The following PARP16 variants were observed in gnomAD, a reference collection of about 807,000 sequenced individuals.
The protein encoded by PARP16 is poly(ADP-ribose) polymerase family member 16.
A neutral mutation model predicts 35.0 loss-of-function variants in PARP16; 31 were observed. The ratio of observed to expected loss-of-function variants is 0.88; its 90% CI spans 0.66 to 1.19. PARP16 has a LOEUF of 1.19. PARP16 is among the 50% of genes most tolerant of loss of function. PARP16 has a pLI of 0.00. For synonymous variants in PARP16, 162 were observed against 169.5 expected (o/e 0.96, Z 0.34); for missense variants, 424 against 411.2 (o/e 1.03, Z -0.27).
At chr15:65,240,330 G>GTGTT (rs1159202631) in intron 3 of PARP16, among the ~76,000 whole-genome samples, 1 of 142,246 alleles carries the variant, frequency 7.0e-6, no homozygotes, top group Non-Finnish European at 1.5e-5. Context: ...GCTAGTGTGT[G>GTGTT]TGTGTGTGTG....
chr15:65,279,253 G>T (rs1480075519), intron 1 of PARP16, among the ~76,000 whole-genome samples: 2 of 152,194 alleles, frequency 1.3e-5, no homozygotes, highest in South Asian at 4.1e-4. Flanking sequence ...AATGAGCTAC[G>T]TGTAGTAACA....
intron 3 of PARP16, among the ~76,000 whole-genome samples, chr15:65,264,937 C>T (rs943819492): frequency 6.6e-6 from 1 of 152,190 alleles, no homozygotes. Flanking sequence ...GTTTAGTGTA[C>T]AAGAGTATAA....
chr15:65,261,913 G>A (rs1451836023), intron 4 of PARP16, among the ~76,000 whole-genome samples: 1 of 152,196 alleles, frequency 6.6e-6, no homozygotes, highest in Non-Finnish European at 1.5e-5. Flanking sequence ...GAAGACGAAA[G>A]CTGCGTGACA....
intron 3 of PARP16, among the ~76,000 whole-genome samples, chr15:65,245,731 C>T (rs562563111): frequency 4.1e-4 from 63 of 152,332 alleles, no homozygotes; most frequent in African/African-American, 1.4e-3. Context: ...GGGAAATGAG[C>T]TCAGGACAGC....
intron 3 of PARP16, among the ~76,000 whole-genome samples, chr15:65,244,430 A>G (rs1223279813): frequency 1.3e-5 from 2 of 152,186 alleles, no homozygotes; most frequent in African/African-American, 4.8e-5. Flanking sequence ...GAGCAAAGTC[A>G]CATCTTACAT....
intron 1 of PARP16, among the ~76,000 whole-genome samples, chr15:65,283,449 G>T (rs557182208): frequency 6.6e-6 from 1 of 152,216 alleles, no homozygotes; most frequent in East Asian, 1.9e-4. Context: ...GTGTAGCCTT[G>T]CATGCTCCAT....
Position 65,286,658 on chromosome 15 carries a change from A to G in PARP16, c.-232T>C. 3.3e-6 allele frequency: 1 copy of G among 299,128 alleles called. No homozygotes were observed. The highest frequency in any genetic ancestry group is 5.8e-5 in the East Asian group (1 of 17,176). 18.5% of individuals were successfully genotyped at this position (299,128 alleles called of 1,614,324 possible). On this transcript the variant is annotated 5_prime_UTR_variant, in exon 1 of 6. Transcript: ENST00000649807. The stretch of plus-strand genomic sequence containing the variant: ...GCCGAAGAGAGAGACCGAGGCCTGG[A>G]CCGCGGGTCGGCGGGGAGGTTGGGC...
intron 3 of PARP16, among the ~76,000 whole-genome samples, chr15:65,246,942 C>T (rs1478322316): frequency 6.6e-6 from 1 of 152,154 alleles, no homozygotes; most frequent in Admixed American, 6.5e-5. Context: ...TAGATAAGAA[C>T]AGAAGCTAAT....
chr15:65,265,856 G>T (rs901418106), intron 3 of PARP16, among the ~76,000 whole-genome samples: 3 of 152,214 alleles, frequency 2.0e-5, no homozygotes, highest in Non-Finnish European at 2.9e-5. Flanking sequence ...TGATGCCTGT[G>T]CTCCACTCGG....
chr15:65,238,881 CA>C, intron 3 of PARP16, among the ~76,000 whole-genome samples: 1 of 152,016 alleles, frequency 6.6e-6, no homozygotes, highest in Non-Finnish European at 1.5e-5. Context: ...GTAATCCAAG[CA>C]ACTCAGGAGG....
intron 1 of PARP16, among the ~76,000 whole-genome samples, chr15:65,274,438 G>A (rs1170584464): frequency 1.3e-5 from 2 of 151,950 alleles, no homozygotes; most frequent in Non-Finnish European, 2.9e-5. Context: ...TTATCCAGGC[G>A]TGGTGGTGTA....
intron 1 of PARP16, among the ~76,000 whole-genome samples, chr15:65,275,252 A>G (rs1157779948): frequency 1.3e-5 from 2 of 152,208 alleles, no homozygotes; most frequent in Non-Finnish European, 2.9e-5. Context: ...GAGGTACTGT[A>G]TGATCTGGGT....
rs2090489093 is a variant in PARP16, at chr15:65,283,713, GGC to G, written c.174+2538_174+2539del. On this transcript the variant is annotated intron_variant, in intron 1 of 5. Coordinates refer to ENST00000649807, the MANE Select transcript of PARP16 (RefSeq NM_001316943.2). ...CTTGCTCTGGGCTTCCATGTTGTAC[GGC>G]GCTTACCTAGTATGAGAGGTTAACA... 3.9e-5 allele frequency among the ~76,000 whole-genome samples: 6 copies of G among 152,254 alleles called. No individual in the cohort carries two copies. The South Asian group carries it at 1.2e-3, about 32-fold the overall frequency.
rs183690163 is a variant in PARP16, at chr15:65,248,359, T to C, written c.203-131A>G. ...ATGTGCTTTCAGAGGCTCACTGACA[T>C]ATTATTTACACCAAAATAACCTCAT... On this transcript the variant is annotated intron_variant and NMD_transcript_variant, in intron 2 of 3. Transcript: ENST00000559805. The C allele has an allele frequency of 1.3e-5, 6 of 446,868 alleles. No individual in the cohort carries two copies. The Admixed American group carries it at 1.4e-4, about 11-fold the overall frequency. 27.7% of individuals were successfully genotyped at this position (446,868 alleles called of 1,614,324 possible).
chr15:65,248,096 T>G lies in PARP16; in HGVS notation c.*97+21A>C, dbSNP rs551242502. ...TGGGATTACAGGCGTGAGCCACCGC[T>G]CCCGGCCGGATTGTTCTTACCTCTC... On this transcript the variant is annotated intron_variant and NMD_transcript_variant, in intron 3 of 3. Coordinates refer to the PARP16 transcript ENST00000559805. The G allele has an allele frequency of 3.8e-5, 17 of 449,856 alleles. 1 individual carries two copies. The highest frequency in any genetic ancestry group is 2.8e-4 in the East Asian group (4 of 14,192). 27.9% of individuals were successfully genotyped at this position (449,856 alleles called of 1,614,324 possible).
At chr15:65,249,955 TAA>T (rs1567013118) in intron 2 of PARP16, among the ~76,000 whole-genome samples, 1 of 152,106 alleles carries the variant, frequency 6.6e-6, no homozygotes, top group Non-Finnish European at 1.5e-5. Context: ...CTTCTGCTCA[TAA>T]AACAGAGCAG....
At chr15:65,278,142 G>A (rs1037101493) in intron 1 of PARP16, among the ~76,000 whole-genome samples, 1 of 152,162 alleles carries the variant, frequency 6.6e-6, no homozygotes, top group African/African-American at 2.4e-5. Context: ...CCCAGGGCCC[G>A]AGAGGTAAAG....
chr15:65,265,146 A>C (rs953283898), intron 3 of PARP16, among the ~76,000 whole-genome samples: 26 of 152,250 alleles, frequency 1.7e-4, no homozygotes, highest in African/African-American at 5.5e-4. Context: ...TGCAGCAGCC[A>C]CAACTGAGCC....
chr15:65,257,913 G>T (rs977669758), downstream of PARP16, among the ~76,000 whole-genome samples: 1 of 152,102 alleles, frequency 6.6e-6, no homozygotes, highest in Non-Finnish European at 1.5e-5. Flanking sequence ...GCATACAGTA[G>T]GTACTCACGT....
Sources: allele counts gnomAD v4.1 joint callset (sites outside exome capture counted in the v4.1 genomes callset), GRCh38; gene constraint gnomAD v4.1.1; transcripts MANE v1.5; gene names NCBI Gene and HGNC (gene_info 2026-07-23, HGNC 2026-07-21).